The following CA5A variants were observed in gnomAD, a reference collection of about 807,000 sequenced individuals.
CA5A encodes the protein carbonic anhydrase 5A, mitochondrial.
In CA5A, 28 loss-of-function variants were observed where a neutral mutation model predicts 37.1. The ratio of observed to expected loss-of-function variants is 0.75; its 90% CI spans 0.56 to 1.03. The LOEUF (loss-of-function observed/expected upper bound fraction) is 1.03, where lower values mean the gene tolerates loss of function less well. CA5A is among the 50% of genes least tolerant of loss of function. CA5A has a pLI of 0.00. For missense variants in CA5A, 444 were observed against 399.9 expected (o/e 1.11, Z -0.94); for synonymous variants, 171 against 158.4 (o/e 1.08, Z -0.60).
chr16:87,918,920 A>G (rs192408181), intron 2 of CA5A, among the ~76,000 whole-genome samples: 39 of 152,320 alleles, frequency 2.6e-4, no homozygotes, highest in African/African-American at 8.7e-4. Flanking sequence ...GACCGGGAGC[A>G]CGTGAAGCTG....
chr16:87,901,840 G>T (rs1308310790), intron 5 of CA5A, 72 bp downstream of exon 5: 15 of 1,312,188 alleles, frequency 1.1e-5, no homozygotes, highest in Non-Finnish European at 1.6e-5. Flanking sequence ...ACCTGCCTCA[G>T]CCTCCCAAAG....
At chr16:87,919,696 C>T (rs369592153) in intron 2 of CA5A, among the ~76,000 whole-genome samples, 11 of 152,220 alleles carry the variant, frequency 7.2e-5, no homozygotes, top group South Asian at 2.1e-4. Flanking sequence ...TGGGGTTCTG[C>T]CAGGTAAACC....
chr16:87,935,744 C>T (rs1268390243), intron 1 of CA5A, among the ~76,000 whole-genome samples: 1 of 151,876 alleles, frequency 6.6e-6, no homozygotes, highest in Non-Finnish European at 1.5e-5. Context: ...GGTGCAGTGG[C>T]GGGTGCCTGT....
intron 2 of CA5A, among the ~76,000 whole-genome samples, chr16:87,925,867 C>A (rs1335637326): frequency 6.6e-6 from 1 of 150,956 alleles, no homozygotes; most frequent in Non-Finnish European, 1.5e-5. Context: ...TCCTATTTAA[C>A]CCCTGCTCCC....
intron 2 of CA5A, among the ~76,000 whole-genome samples, chr16:87,909,250 C>G (rs902567106): frequency 1.3e-5 from 2 of 152,134 alleles, no homozygotes; most frequent in Non-Finnish European, 2.9e-5. Flanking sequence ...ACCATGGGGC[C>G]CTCGGGACAT....
chr16:87,891,057 G>A (rs960268505), intron 6 of CA5A, among the ~76,000 whole-genome samples: 1 of 151,426 alleles, frequency 6.6e-6, no homozygotes, highest in Admixed American at 6.6e-5. Flanking sequence ...GCCTCTTTAA[G>A]TCCTAAAATT....
chr16:87,888,166 GC>G lies in CA5A; in HGVS notation c.880del (p.Ala294ArgfsTer19), dbSNP rs765471772. 1.2e-6 allele frequency: 2 copies of G among 1,613,848 alleles called. No individual in the cohort carries two copies. The highest frequency in any genetic ancestry group is 1.7e-6 in the Non-Finnish European group (2 of 1,179,806). On this transcript the variant is annotated frameshift_variant, in exon 7 of 7. Coordinates refer to ENST00000649794, the MANE Select transcript of CA5A (RefSeq NM_001739.2). LOFTEE classifies it low-confidence loss of function (END_TRUNC). ...LQPLMNRKVW[A>X]SFQATNEGTR... is the part of the protein sequence containing the mutation. ...GCCCTCATTAGTGGCCTGGAAGGAC[GC>G]CCAGACCTTCCGGTTCATCAAGGGT... is the stretch of plus-strand genomic sequence containing the variant.
chr16:87,908,073 G>C (rs532057200), intron 2 of CA5A, among the ~76,000 whole-genome samples: 1 of 152,014 alleles, frequency 6.6e-6, no homozygotes, highest in African/African-American at 2.4e-5. Context: ...GGATTAGTCA[G>C]TCCACTGATT....
At position 87,888,103 on chromosome 16, in the gene CA5A, C is replaced by G. The variant is rs765442160; in HGVS notation, c.*26G>C. 3.4e-5 allele frequency: 53 copies of G among 1,564,328 alleles called. No homozygotes were observed. Among genetic ancestry groups the G allele is most frequent in the Non-Finnish European group, 4.5e-5 (52 of 1,151,324 alleles). On this transcript the variant is annotated 3_prime_UTR_variant, in exon 7 of 7. Coordinates refer to ENST00000649794, the MANE Select transcript of CA5A (RefSeq NM_001739.2). ...ACGCTTCCTTCCTTCAAAGTCAGTT[C>G]TGCTATTCATGTGGACCTAATGTCT...
In CA5A at chr16:87,902,505, A is replaced by G. The variant is rs753677978; in HGVS notation, c.475T>C (p.Trp159Arg). ...AYPAELHLVH[W>R]NSVKYQNYKE... ...TAATTTTGGTATTTCACAGAATTCCAGTGAACTAAATGCAGCTGAAACACA... is the reference window on the plus strand; with the variant it reads ...TAATTTTGGTATTTCACAGAATTCCGGTGAACTAAATGCAGCTGAAACACA... The change falls in exon 4 of 7, where the codon TGG (tryptophan) becomes CGG (arginine). Residue 159 changes from tryptophan to arginine, a missense_variant. By Grantham distance (101) the Trp-to-Arg change is moderately radical (BLOSUM62 -3). Coordinates refer to ENST00000649794, the MANE Select transcript of CA5A (RefSeq NM_001739.2). The G allele has an allele frequency of 1.7e-5, 27 of 1,578,850 alleles. No homozygotes were observed. The highest frequency in any genetic ancestry group is 2.4e-5 in the Non-Finnish European group (27 of 1,147,968).
At chr16:87,896,771 G>C (rs1292436145) in intron 5 of CA5A, among the ~76,000 whole-genome samples, 1 of 152,198 alleles carries the variant, frequency 6.6e-6, no homozygotes, top group African/African-American at 2.4e-5. Context: ...CTCCCTAGTA[G>C]CTGGGATTAC....
At chr16:87,919,854 C>G (rs1215602430) in intron 2 of CA5A, among the ~76,000 whole-genome samples, 2 of 152,156 alleles carry the variant, frequency 1.3e-5, no homozygotes, top group East Asian at 1.9e-4. Context: ...CTTTGCAAAT[C>G]TCTTCCCAAC....
Position 87,892,556 on chromosome 16 carries a change from A to AATAAT in CA5A, c.619-603_619-602insATTAT, listed in dbSNP as rs1303452843. Among the ~76,000 whole-genome samples, 585 of 136,726 alleles carry AATAAT rather than the reference A, an allele frequency of 4.3e-3. 2 individuals are homozygous for AATAAT. The highest frequency in any genetic ancestry group is 7.4e-3 in the Admixed American group (103 of 13,936). 89.7% of individuals were successfully genotyped at this position (136,726 alleles called of 152,430 possible). On this transcript the variant is annotated intron_variant, in intron 5 of 6. Coordinates refer to ENST00000649794, the MANE Select transcript of CA5A (RefSeq NM_001739.2). Reference sequence around the variant, plus strand: ...TAATAATAATAATAATAATAATAATAAATTAATTAATAATAAAAATAAAAA... The same window carrying AATAAT: ...TAATAATAATAATAATAATAATAATAATAATAATTAATTAATAATAAAAATAAAAA...
At chr16:87,882,587 G>C (rs150845429) in intron 4 of CA5A, 6 of 152,198 alleles carry the variant, frequency 3.9e-5, no homozygotes, top group African/African-American at 1.4e-4. Flanking sequence ...GACCAACGGC[G>C]CTGCGAGCTT....
chr16:87,929,522 C>T (rs1241247462), intron 1 of CA5A, among the ~76,000 whole-genome samples: 4 of 151,228 alleles, frequency 2.6e-5, no homozygotes, highest in African/African-American at 9.7e-5. Context: ...ATGGTTAGCG[C>T]ATTGCTGTGT....
chr16:87,907,570 G>C (rs1293033597), intron 2 of CA5A, among the ~76,000 whole-genome samples: 1 of 152,206 alleles, frequency 6.6e-6, no homozygotes, highest in East Asian at 1.9e-4. Flanking sequence ...ACTGGACCCA[G>C]CCTGGTAGAT....
chr16:87,926,649 G>T, intron 2 of CA5A, 99 bp downstream of exon 2: 1 of 925,210 alleles, frequency 1.1e-6, no homozygotes, highest in East Asian at 2.4e-5. Context: ...AAGGAAAGCA[G>T]CACCTTCCTG....
chr16:87,886,143 GTTTTTTTTTTT>G (rs779669034), downstream of CA5A: 12 of 113,962 alleles, frequency 1.1e-4, no homozygotes, highest in African/African-American at 3.0e-4. Context: ...TCTGGATCAA[GTTTTTTTTTTT>G]TTTTTTTTTT....
At position 87,899,749 on chromosome 16, in the gene CA5A, G is replaced by A. The variant is rs575020745; in HGVS notation, c.618+2163C>T. Among the ~76,000 whole-genome samples the A allele has an allele frequency of 2.2e-3, 336 of 149,966 alleles. 5 individuals are homozygous for A. The highest frequency in any genetic ancestry group is 3.4e-4 in the Non-Finnish European group (23 of 67,364). On this transcript the variant is annotated intron_variant, in intron 5 of 6. Transcript: ENST00000649794. ...AGCCTGGCCAACATGGTGAAATCCC[G>A]TCTCTACTAAAAATACAAAAATTAG... is the stretch of plus-strand genomic sequence containing the variant.
Sources: gnomAD v4.1 joint callset for allele counts (sites outside exome capture counted in the v4.1 genomes callset) on GRCh38, gnomAD v4.1.1 for gene constraint, MANE v1.5 for transcripts, NCBI Gene and HGNC (gene_info 2026-07-23, HGNC 2026-07-21) for gene names.